Variants in KHDRBS3 observed in about 807,000 individuals in gnomAD.
The protein encoded by KHDRBS3 is KH domain-containing, RNA-binding, signal transduction-associated protein 3.
In KHDRBS3, 23 loss-of-function variants were observed where a neutral mutation model predicts 45.6. The observed-to-expected ratio is 0.50, with a 90% CI of 0.36 to 0.72. The LOEUF (loss-of-function observed/expected upper bound fraction) is 0.72. KHDRBS3 is among the 30% of genes least tolerant of loss of function. KHDRBS3 has a pLI of 0.00. For missense variants in KHDRBS3, 352 were observed against 424.8 expected, an observed-to-expected ratio of 0.83 and a Z score of 1.51; for synonymous variants, 162 against 156.5, an observed-to-expected ratio of 1.04 and a Z score of -0.26.
downstream of KHDRBS3, chr8:135,647,894 A>G (rs1831354343): frequency 6.6e-6 from 1 of 152,216 alleles, no homozygotes; most frequent in African/African-American, 2.4e-5. Flanking sequence ...TTTTAAAATA[A>G]CTACTGGATT....
chr8:135,578,940 AT>A (rs527485962), intron 5 of KHDRBS3, among the ~76,000 whole-genome samples: 33 of 151,112 alleles, frequency 2.2e-4, no homozygotes, highest in East Asian at 1.2e-3. Context: ...AAAACATGCA[AT>A]TTTTTTTTGG....
chr8:135,505,560 T>C (rs1823952884), intron 1 of KHDRBS3, among the ~76,000 whole-genome samples: 1 of 152,156 alleles, frequency 6.6e-6, no homozygotes. Context: ...GAGGATTGAA[T>C]AGCAGGAATT....
intron 5 of KHDRBS3, among the ~76,000 whole-genome samples, chr8:135,573,481 G>A (rs1175072248): frequency 1.3e-5 from 2 of 152,198 alleles, no homozygotes; most frequent in Admixed American, 1.3e-4. Context: ...CTTACTACAT[G>A]CCTGTTTTAG....
At chr8:135,596,366 C>G (rs1034888053) in intron 6 of KHDRBS3, among the ~76,000 whole-genome samples, 1 of 152,122 alleles carries the variant, frequency 6.6e-6, no homozygotes, top group African/African-American at 2.4e-5. Flanking sequence ...TAAGGGTCCA[C>G]CCAGCTTAGG....
chr8:135,457,675 A>G lies in KHDRBS3; in HGVS notation c.-192A>G, dbSNP rs1050368515. 1.3e-5 allele frequency: 2 copies of G among 149,246 alleles called. No homozygotes were observed. Among genetic ancestry groups the G allele is most frequent in the African/African-American group, 4.9e-5 (2 of 40,718 alleles). 9.2% of individuals were successfully genotyped at this position (149,246 alleles called of 1,614,324 possible). A position where few individuals can be genotyped will look rare whatever the true frequency, so the allele number is the denominator to read the frequency against. ...GCTGGGTACTCGGCGGCCACCGGGGATCGGGGCTGAGCGGTCGGTTCCCGC... is the reference window on the plus strand; with the variant it reads ...GCTGGGTACTCGGCGGCCACCGGGGGTCGGGGCTGAGCGGTCGGTTCCCGC... On this transcript the variant is annotated 5_prime_UTR_variant, in exon 1 of 9. Transcript: ENST00000355849. This position sits in a 1 kb window ranked among gnomAD's most constrained non-coding sequence, Gnocchi z 4.4.
chr8:135,543,282 T>C (rs1826132169), intron 3 of KHDRBS3, among the ~76,000 whole-genome samples: 1 of 152,214 alleles, frequency 6.6e-6, no homozygotes, highest in Non-Finnish European at 1.5e-5. Context: ...TCTACTTAGA[T>C]GTATTCACAT....
At chr8:135,496,224 G>A (rs1398693399) in intron 1 of KHDRBS3, among the ~76,000 whole-genome samples, 1 of 151,094 alleles carries the variant, frequency 6.6e-6, no homozygotes, top group East Asian at 2.0e-4. Context: ...CAGTGACGAA[G>A]AAAACTCTTC....
At chr8:135,650,781 A>G (rs1003221990), downstream of KHDRBS3, among the ~76,000 whole-genome samples, 1 of 152,180 alleles carries the variant, frequency 6.6e-6, no homozygotes, top group African/African-American at 2.4e-5. Context: ...GCATTGTGAT[A>G]ACTGCCCCCT....
intron 5 of KHDRBS3, 79 bp from the exon 6 acceptor site, chr8:135,581,799 T>C: frequency 9.1e-7 from 1 of 1,093,772 alleles, no homozygotes; most frequent in Non-Finnish European, 1.2e-6. Context: ...TGATTTTGTT[T>C]CTGAGGTATA....
intron 1 of KHDRBS3, among the ~76,000 whole-genome samples, chr8:135,519,625 T>C (rs1824803198): frequency 6.6e-6 from 1 of 152,218 alleles, no homozygotes; most frequent in Non-Finnish European, 1.5e-5. Context: ...AGTTCCCTTT[T>C]CTCATTTTAA....
chr8:135,457,855 C>G lies in KHDRBS3; in HGVS notation c.-12C>G, dbSNP rs774315389. 6.4e-7 allele frequency: 1 copy of G among 1,560,158 alleles called. No individual in the cohort carries two copies. Among genetic ancestry groups the G allele is most frequent in the Non-Finnish European group, 8.7e-7 (1 of 1,153,930 alleles). ...CCTGGAGTCCACATCCCGGGCCCGGCGGCCGGCGAGCATGGAGGAGAAGTA... is the reference window on the plus strand; with the variant it reads ...CCTGGAGTCCACATCCCGGGCCCGGGGGCCGGCGAGCATGGAGGAGAAGTA... On this transcript the variant is annotated 5_prime_UTR_variant, in exon 1 of 9. Transcript: ENST00000355849. The surrounding 1 kb of genome is among the most constrained non-coding windows in gnomAD (Gnocchi z 4.4).
chr8:135,483,221 A>G (rs1386557808), intron 1 of KHDRBS3, among the ~76,000 whole-genome samples: 1 of 152,166 alleles, frequency 6.6e-6, no homozygotes, highest in Non-Finnish European at 1.5e-5. Flanking sequence ...TGCTGATTAT[A>G]TTTATGGACT....
chr8:135,633,986 C>T (rs1830709568), intron 7 of KHDRBS3, among the ~76,000 whole-genome samples: 1 of 152,220 alleles, frequency 6.6e-6, no homozygotes, highest in Non-Finnish European at 1.5e-5. Flanking sequence ...GAGTATCACC[C>T]AGAGTACTTT....
chr8:135,529,733 A>G (rs1031220965), intron 2 of KHDRBS3, among the ~76,000 whole-genome samples: 4 of 152,200 alleles, frequency 2.6e-5, no homozygotes, highest in Non-Finnish European at 5.9e-5. Flanking sequence ...AGTCTATTAC[A>G]TGTATGTTTG....
At chr8:135,584,385 G>A (rs1209277439) in intron 6 of KHDRBS3, among the ~76,000 whole-genome samples, 1 of 152,206 alleles carries the variant, frequency 6.6e-6, no homozygotes, top group African/African-American at 2.4e-5. Flanking sequence ...GGTATAGTGG[G>A]ACACCAAAGG....
chr8:135,554,430 A>G (rs1056256292), intron 4 of KHDRBS3, among the ~76,000 whole-genome samples: 4 of 152,136 alleles, frequency 2.6e-5, no homozygotes, highest in African/African-American at 9.6e-5. Flanking sequence ...CTTATTTAGA[A>G]TGTGTTTTAC....
chr8:135,636,299 A>T (rs1830810380), intron 7 of KHDRBS3, among the ~76,000 whole-genome samples: 1 of 152,208 alleles, frequency 6.6e-6, no homozygotes, highest in Non-Finnish European at 1.5e-5. Context: ...TGTCTTTAAT[A>T]GTTGAGATTT....
rs202041702 is a variant in KHDRBS3, at chr8:135,645,086, T to C, written c.918T>C (p.His306=). The C allele has an allele frequency of 1.2e-4, 196 of 1,613,584 alleles. No homozygotes were observed. In the Middle Eastern group the frequency reaches 1.8e-3, roughly 15 times the overall value. ...QSGADYYDYG[H]GLSEETYDSY... is the part of the protein sequence containing the mutation. ...GTGCTGATTACTATGATTACGGACATGGACTCAGTGAGGAGACTTATGATT... is the reference window on the plus strand; with the variant it reads ...GTGCTGATTACTATGATTACGGACACGGACTCAGTGAGGAGACTTATGATT... The change falls in exon 8 of 9, where the codon CAT becomes CAC. Residue 306 remains histidine (H), a synonymous_variant. Coordinates refer to ENST00000355849, the MANE Select transcript of KHDRBS3 (RefSeq NM_006558.3).
At chr8:135,534,205 T>G (rs898807333) in intron 2 of KHDRBS3, among the ~76,000 whole-genome samples, 2 of 138,002 alleles carry the variant, frequency 1.4e-5, no homozygotes, top group Non-Finnish European at 3.1e-5. Flanking sequence ...TATTTTACAA[T>G]TCTTCTCAGG....
Sources: gnomAD v4.1 joint callset for allele counts (sites outside exome capture counted in the v4.1 genomes callset) on GRCh38, gnomAD v4.1.1 for gene constraint, Gnocchi (gnomAD v3.1) non-coding constraint, MANE v1.5 for transcripts, NCBI Gene and HGNC (gene_info 2026-07-23, HGNC 2026-07-21) for gene names.